POLR2B: variants seen among roughly 807,000 people sequenced by gnomAD.
The protein encoded by POLR2B is RNA polymerase II subunit B.
In POLR2B, 57 loss-of-function variants were observed where a neutral mutation model predicts 144.6. The observed-to-expected ratio is 0.39, with a 90% CI of 0.32 to 0.49. The LOEUF is 0.49. POLR2B is among the 20% of genes least tolerant of loss of function. The pLI, the probability that POLR2B is intolerant of heterozygous loss-of-function variation, is 0.83. For missense variants in POLR2B, 595 were observed against 1,467.4 expected (o/e 0.41, Z 9.71); for synonymous variants, 442 against 469.8 (o/e 0.94, Z 0.77).
chr4:56,985,342 G>A, intron 1 of POLR2B: 2 of 985,436 alleles, frequency 2.0e-6, no homozygotes, highest in Non-Finnish European at 2.4e-6. Flanking sequence ...TCCGTGCCCG[G>A]TAGCCGCGAG....
chr4:56,995,482 T>G, intron 6 of POLR2B, 73 bp downstream of exon 6: 1 of 1,103,374 alleles, frequency 9.1e-7, no homozygotes, highest in East Asian at 2.5e-5. Flanking sequence ...GACTGCCTTC[T>G]TTGTCCATAG....
rs563703589 is a variant in POLR2B at position 57,026,472 on chromosome 4, A to T, written c.3239+935A>T. ...AAAACAATGGTTCTCAAATGTCTTG[A>T]TCCCGGGAACCCAAAATGCTTTTGT... is the stretch of plus-strand genomic sequence containing the variant. On this transcript the variant is annotated intron_variant, in intron 23 of 24. Transcript: ENST00000314595. 2.6e-5 allele frequency among the ~76,000 whole-genome samples: 4 copies of T among 152,298 alleles called. No homozygotes were observed. The East Asian group carries it at 7.7e-4, about 29-fold the overall frequency.
intron 1 of POLR2B, 83 bp downstream of exon 1, chr4:56,979,087 G>A: frequency 7.2e-7 from 1 of 1,384,642 alleles, no homozygotes. Context: ...AGGATTTGGG[G>A]CCTTCCCATG....
intron 13 of POLR2B, among the ~76,000 whole-genome samples, chr4:57,013,766 A>G (rs1021940661): frequency 4.6e-5 from 7 of 152,110 alleles, no homozygotes; most frequent in African/African-American, 7.2e-5. Flanking sequence ...AACCAATCGT[A>G]GATAATACAT....
chr4:57,017,836 C>T lies in POLR2B; in HGVS notation c.2323+108C>T, dbSNP rs527553534. 7 of 653,630 alleles carry T rather than the reference C, an allele frequency of 1.1e-5. No individual in the cohort carries two copies. Among genetic ancestry groups the T allele is most frequent in the Admixed American group, 6.9e-5 (2 of 28,842 alleles). The allele number at this position is 653,630 out of a possible 1,614,324, so 40.5% of individuals were successfully genotyped here. On this transcript the variant is annotated intron_variant, in intron 16 of 24. Transcript: ENST00000314595. The surrounding 1 kb of genome is among the most constrained non-coding windows in gnomAD (Gnocchi z 4.8). ...AAATATGACATAGTGCCTGTTCTCA[C>T]GGAATTTATAATATGGTGGGAAACA...
chr4:56,985,227 A>T lies in POLR2B; in HGVS notation c.20-1127A>T, dbSNP rs574416265. Reference sequence around the variant, plus strand: ...AATAGTGTATGTCTTTACAAAAAAAATTTTATTTTATTTTTTTAAATTTTT... The same window carrying T: ...AATAGTGTATGTCTTTACAAAAAAATTTTTATTTTATTTTTTTAAATTTTT... On this transcript the variant is annotated intron_variant, in intron 1 of 24. Coordinates refer to ENST00000314595, the MANE Select transcript of POLR2B (RefSeq NM_000938.3). The T allele has an allele frequency of 2.8e-5, 21 of 758,052 alleles. No homozygotes were observed. In the Admixed American group the frequency reaches 6.9e-4, roughly 25 times the overall value. 47.0% of individuals were successfully genotyped at this position (758,052 alleles called of 1,614,324 possible). A position where few individuals can be genotyped will look rare whatever the true frequency, so the allele number is the denominator to read the frequency against.
chr4:57,006,734 CT>C (rs146021754), intron 9 of POLR2B, 81 bp from the exon 10 acceptor site: 82 of 1,163,540 alleles, frequency 7.0e-5, no homozygotes, highest in Middle Eastern at 3.0e-4. Flanking sequence ...CTTCCCCACG[CT>C]TTTTTTTGCA....
In POLR2B at chr4:57,030,277, G is replaced by GA; in HGVS notation, c.3316dup (p.Arg1106LysfsTer4). 1 of 1,614,116 alleles carries GA rather than the reference G, an allele frequency of 6.2e-7. No homozygotes were observed. On this transcript the variant is annotated frameshift_variant, in exon 24 of 25. Transcript: ENST00000314595. LOFTEE classifies it high-confidence loss of function. Reference sequence around the variant, plus strand: ...CCATGGAGCAGCCCAGTTTTTAAGGGAAAGATTGTTTGAGGCATCAGATCC... The same window carrying GA: ...CCATGGAGCAGCCCAGTTTTTAAGGGAAAAGATTGTTTGAGGCATCAGATCC...
At chr4:56,986,280 T>A (rs1001145058) in intron 1 of POLR2B, 74 bp from the exon 2 acceptor site, 1 of 874,072 alleles carries the variant, frequency 1.1e-6, no homozygotes, top group Non-Finnish European at 2.0e-6. Context: ...TTTCTGCTAC[T>A]TAAAGTCATA....
At chr4:57,008,206 GTT>G (rs59219952) in intron 10 of POLR2B, among the ~76,000 whole-genome samples, 1 of 137,144 alleles carries the variant, frequency 7.3e-6, no homozygotes, top group Non-Finnish European at 1.5e-5. Flanking sequence ...CAAGGAATTG[GTT>G]TTTTTTTTTT....
chr4:56,986,467 T>A, intron 2 of POLR2B, 41 bp downstream of exon 2: 1 of 1,194,602 alleles, frequency 8.4e-7, no homozygotes, highest in Non-Finnish European at 1.3e-6. Context: ...AAAGGCACTT[T>A]AGATTTCCTG....
chr4:57,016,622 AATAAT>A (rs966692839), intron 14 of POLR2B, among the ~76,000 whole-genome samples: 37 of 146,064 alleles, frequency 2.5e-4, no homozygotes, highest in African/African-American at 9.1e-4. Flanking sequence ...CAATAATATG[AATAAT>A]ATAATAAGAA....
Position 57,020,923 on chromosome 4 carries a change from C to T in POLR2B, c.2348C>T (p.Ala783Val). 6.3e-7 allele frequency: 1 copy of T among 1,598,236 alleles called. No homozygotes were observed. Residue 783 changes from alanine (A) to valine (V), a missense_variant, in exon 17 of 25, where the codon GCA becomes GTA. This residue lies in a region of POLR2B where 39 missense variants were observed against 174.3 expected (regional missense o/e 0.22). Transcript: ENST00000314595. ...GGCATCAACTCAATTGTGGCCATTG[C>T]ATCATACACTGGATATAATCAGGAA... The part of the protein sequence containing the change: ...PAGINSIVAI[A>V]SYTGYNQEDS...
At chr4:56,980,663 T>C (rs963737008) in intron 1 of POLR2B, among the ~76,000 whole-genome samples, 4 of 152,172 alleles carry the variant, frequency 2.6e-5, no homozygotes, top group African/African-American at 9.7e-5. Context: ...GACACTGCTA[T>C]GAGCTGAGAA....
rs956151645 is a variant in POLR2B, at chr4:57,008,883, C to T, written c.1405-1478C>T. Among the ~76,000 whole-genome samples, 10 of 152,180 alleles carry T rather than the reference C, an allele frequency of 6.6e-5. No individual in the cohort carries two copies. The East Asian group carries it at 1.4e-3, about 21-fold the overall frequency. ...GAGGCAGGAAGGAATGTGTGTCTGT[C>T]GGGGGAGCTAGAGCAGTTCTGGGTT... On this transcript the variant is annotated intron_variant, in intron 10 of 24. Coordinates refer to ENST00000314595, the MANE Select transcript of POLR2B (RefSeq NM_000938.3).
chr4:57,002,197 T>G (rs1722876373), intron 7 of POLR2B, among the ~76,000 whole-genome samples: 1 of 152,046 alleles, frequency 6.6e-6, no homozygotes, highest in African/African-American at 2.4e-5. Context: ...CTGGCTAATT[T>G]TTTGTATTTT....
At chr4:56,986,191 A>G (rs1722324630) in intron 1 of POLR2B, 163 bp from the exon 2 acceptor site, 1 of 698,376 alleles carries the variant, frequency 1.4e-6, no homozygotes, top group South Asian at 1.5e-5. Flanking sequence ...TGACATAGAC[A>G]TAAATTATTT....
At position 57,010,474 on chromosome 4, in the gene POLR2B, G is replaced by A; in HGVS notation, c.1518G>A (p.Trp506Ter). The A allele has an allele frequency of 6.2e-7, 1 of 1,614,034 alleles. No individual in the cohort carries two copies. Among genetic ancestry groups the A allele is most frequent in the South Asian group, 1.1e-5 (1 of 91,066 alleles). ...AKPRQLHNTL[W>*]GMVCPAETPE... ...CAAGACAGTTGCATAATACGTTGTG[G>A]GGAATGGTGTGTCCTGCCGAGACCC... Residue 506 changes from tryptophan to a stop codon, truncating the protein, a stop_gained, in exon 11 of 25, where the codon TGG becomes TGA. Coordinates refer to ENST00000314595, the MANE Select transcript of POLR2B (RefSeq NM_000938.3). LOFTEE classifies it high-confidence loss of function.
chr4:56,986,680 C>G (rs1438830369), intron 2 of POLR2B: 1 of 259,946 alleles, frequency 3.8e-6, no homozygotes, highest in Non-Finnish European at 7.1e-6. Flanking sequence ...ATATTTTTTT[C>G]TGAAACATGT....
Sources: gnomAD v4.1 joint callset for allele counts (sites outside exome capture counted in the v4.1 genomes callset) on GRCh38, gnomAD v4.1.1 for gene constraint, gnomAD v4.1.1 regional missense constraint, Gnocchi (gnomAD v3.1) non-coding constraint, MANE v1.5 for transcripts, NCBI Gene and HGNC (gene_info 2026-07-23, HGNC 2026-07-21) for gene names.